IGSF21: variants seen among roughly 807,000 people sequenced by gnomAD.
IGSF21 encodes immunoglobin superfamily member 21, also known as immunoglobulin superfamily member 21.
A neutral mutation model predicts 46.8 loss-of-function variants in IGSF21; 28 were observed. The observed-to-expected ratio is 0.60, with a 90% confidence interval of 0.44 to 0.82. IGSF21 has a LOEUF of 0.82. IGSF21 is among the 40% of genes least tolerant of loss of function. The probability of loss-of-function intolerance (pLI) is 0.00; values close to 1 mark genes in which losing one functional copy is unlikely to be tolerated. For missense variants in IGSF21, 624 were observed against 665.5 expected, an observed-to-expected ratio of 0.94 and a Z score of 0.69; for synonymous variants, 284 against 273.6, an observed-to-expected ratio of 1.04 and a Z score of -0.38.
At chr1:18,372,741 A>AATGG (rs891261942) in intron 6 of IGSF21, among the ~76,000 whole-genome samples, 5 of 126,336 alleles carry the variant, frequency 4.0e-5, no homozygotes, top group African/African-American at 1.3e-4. Context: ...TAGATGGATG[A>AATGG]ATGGATGGAT....
intron 1 of IGSF21, among the ~76,000 whole-genome samples, chr1:18,153,270 G>T (rs2086537071): frequency 6.6e-6 from 1 of 152,208 alleles, no homozygotes. Flanking sequence ...AGTTATAGAT[G>T]GTTTTGTCCT....
rs138659305 is a variant in IGSF21 at position 18,262,550 on chromosome 1, C to A, written c.184-29316C>A. ...GAGATGTAATGAGATTAATCTGGTG[C>A]GAGTGTCTGGCACATAGTAGATGCA... On this transcript the variant is annotated intron_variant, in intron 2 of 9. Transcript: ENST00000251296. 1.9e-3 allele frequency among the ~76,000 whole-genome samples: 284 copies of A among 152,216 alleles called. 1 individual carries two copies. The highest frequency in any genetic ancestry group is 6.4e-3 in the African/African-American group (265 of 41,532).
intron 2 of IGSF21, among the ~76,000 whole-genome samples, chr1:18,277,829 T>G (rs936117344): frequency 1.3e-5 from 2 of 152,166 alleles, no homozygotes; most frequent in African/African-American, 4.8e-5. Context: ...GGATAAAATG[T>G]GACAAACAGA....
intron 1 of IGSF21, chr1:18,166,893 C>T (rs570284466): frequency 6.5e-6 from 1 of 153,208 alleles, no homozygotes; most frequent in South Asian, 2.1e-4. Context: ...CAGGATGTCC[C>T]AGAGCAGGGA....
intron 3 of IGSF21, among the ~76,000 whole-genome samples, chr1:18,325,615 T>C (rs2085649584): frequency 6.6e-6 from 1 of 152,136 alleles, no homozygotes; most frequent in African/African-American, 2.4e-5. Flanking sequence ...TCATTGAGAC[T>C]CCAACTGTAG....
chr1:18,336,891 A>C (rs950944712), intron 4 of IGSF21, among the ~76,000 whole-genome samples: 6 of 152,220 alleles, frequency 3.9e-5, no homozygotes, highest in South Asian at 2.1e-4. Context: ...CACATGGTGG[A>C]AGACAAGAGA....
intron 4 of IGSF21, among the ~76,000 whole-genome samples, chr1:18,339,924 C>G (rs2085814285): frequency 6.6e-6 from 1 of 152,146 alleles, no homozygotes; most frequent in African/African-American, 2.4e-5. Flanking sequence ...CTTCTCAAAC[C>G]CTCTGAAAGG....
At chr1:18,186,982 A>T (rs1044141144) in intron 1 of IGSF21, among the ~76,000 whole-genome samples, 1 of 152,092 alleles carries the variant, frequency 6.6e-6, no homozygotes, top group Non-Finnish European at 1.5e-5. Flanking sequence ...CCCTCCTGTG[A>T]CCATCGTTTT....
At chr1:18,353,761 A>G (rs887480453) in intron 4 of IGSF21, among the ~76,000 whole-genome samples, 2 of 152,224 alleles carry the variant, frequency 1.3e-5, no homozygotes, top group Non-Finnish European at 2.9e-5. Flanking sequence ...GAGTGTGTTC[A>G]TAGACTCAAA....
chr1:18,290,669 A>G lies in IGSF21; in HGVS notation c.184-1197A>G, dbSNP rs2085256431. ...ATGTGGTCCAAGTCAGCTTGGGTACATATGTGTCCAGAGGAGCCCAGCTGT... is the reference window on the plus strand; with the variant it reads ...ATGTGGTCCAAGTCAGCTTGGGTACGTATGTGTCCAGAGGAGCCCAGCTGT... On this transcript the variant is annotated intron_variant, in intron 2 of 9. Coordinates refer to ENST00000251296, the MANE Select transcript of IGSF21 (RefSeq NM_032880.5). This position sits in a 1 kb window ranked among gnomAD's most constrained non-coding sequence, Gnocchi z 4.2. 6.6e-6 allele frequency among the ~76,000 whole-genome samples: 1 copy of G among 152,180 alleles called. No individual in the cohort carries two copies. Among genetic ancestry groups the G allele is most frequent in the Admixed American group, 6.5e-5 (1 of 15,280 alleles).
At chr1:18,176,811 G>A (rs1176851291) in intron 1 of IGSF21, among the ~76,000 whole-genome samples, 2 of 152,188 alleles carry the variant, frequency 1.3e-5, no homozygotes, top group Non-Finnish European at 2.9e-5. Flanking sequence ...AACGTTGTCA[G>A]CTCCCTTGGG....
chr1:18,237,415 T>C (rs981366492), intron 2 of IGSF21, among the ~76,000 whole-genome samples: 5 of 152,190 alleles, frequency 3.3e-5, no homozygotes, highest in Non-Finnish European at 7.3e-5. Flanking sequence ...TTCTGTTTCA[T>C]CACCTGGCCA....
chr1:18,268,224 G>A (rs989333215), intron 2 of IGSF21, among the ~76,000 whole-genome samples: 1 of 152,226 alleles, frequency 6.6e-6, no homozygotes, highest in Admixed American at 6.5e-5. Flanking sequence ...TGGGAAAACA[G>A]AACTTTGGGA....
chr1:18,219,270 A>G (rs2084483330), intron 1 of IGSF21, among the ~76,000 whole-genome samples: 1 of 152,212 alleles, frequency 6.6e-6, no homozygotes, highest in South Asian at 2.1e-4. Context: ...GAAAGGATTG[A>G]GGGATTGAGC....
intron 3 of IGSF21, among the ~76,000 whole-genome samples, chr1:18,325,648 A>G (rs1269038632): frequency 6.6e-6 from 1 of 152,128 alleles, no homozygotes; most frequent in Non-Finnish European, 1.5e-5. Flanking sequence ...CTGCGCTGGA[A>G]CCAAATCCTC....
At chr1:18,355,750 C>T (rs2086009638) in intron 4 of IGSF21, among the ~76,000 whole-genome samples, 1 of 151,680 alleles carries the variant, frequency 6.6e-6, no homozygotes. Context: ...TTCCTACTGC[C>T]CAGGTCTGGT....
chr1:18,168,601 T>C (rs1047038109), intron 1 of IGSF21, among the ~76,000 whole-genome samples: 1 of 152,200 alleles, frequency 6.6e-6, no homozygotes, highest in African/African-American at 2.4e-5. Flanking sequence ...CCCTCTCTCC[T>C]TCTTTCACTC....
intron 2 of IGSF21, among the ~76,000 whole-genome samples, chr1:18,261,420 A>G (rs1184419327): frequency 6.6e-6 from 1 of 152,162 alleles, no homozygotes; most frequent in Non-Finnish European, 1.5e-5. Flanking sequence ...AGACATGCCC[A>G]CCAGTGCACC....
intron 1 of IGSF21, among the ~76,000 whole-genome samples, chr1:18,162,564 T>C (rs2086637526): frequency 6.6e-6 from 1 of 152,208 alleles, no homozygotes; most frequent in South Asian, 2.1e-4. Flanking sequence ...GCCCAATATA[T>C]GCCGTTGTAA....
Sources: gnomAD v4.1 joint callset for allele counts (sites outside exome capture counted in the v4.1 genomes callset) on GRCh38, gnomAD v4.1.1 for gene constraint, Gnocchi (gnomAD v3.1) non-coding constraint, MANE v1.5 for transcripts, NCBI Gene and HGNC (gene_info 2026-07-23, HGNC 2026-07-21) for gene names.